The following PTPN5 variants were observed in gnomAD, a reference collection of about 807,000 sequenced individuals.
The protein encoded by PTPN5 is tyrosine-protein phosphatase non-receptor type 5.
In PTPN5, 29 loss-of-function variants were observed where a neutral mutation model predicts 73.9. That is an observed-to-expected ratio of 0.39 (90% CI 0.29 to 0.54). The LOEUF is 0.54. PTPN5 is among the 20% of genes least tolerant of loss of function. The pLI is 0.65. For missense variants in PTPN5, 652 were observed against 751.4 expected (o/e 0.87, Z 1.55); for synonymous variants, 267 against 304.7 (o/e 0.88, Z 1.29).
chr11:18,776,338 ACT>A (rs1851154296), intron 1 of PTPN5, among the ~76,000 whole-genome samples: 2 of 151,344 alleles, frequency 1.3e-5, no homozygotes, highest in South Asian at 4.2e-4. Flanking sequence ...GCCTTTTAAG[ACT>A]CTGTTCAAAT....
rs1475492674 is a variant in PTPN5, at chr11:18,729,133, T to G, written c.1605-106A>C. ...AATCACTTGCCAGGCCTTGCCCCTGTGCGTCTTGGAGAGACCAACCCTTGC... is the reference window on the plus strand; with the variant it reads ...AATCACTTGCCAGGCCTTGCCCCTGGGCGTCTTGGAGAGACCAACCCTTGC... On this transcript the variant is annotated intron_variant, in intron 14 of 14. Transcript: ENST00000358540. This position sits in a 1 kb window ranked among gnomAD's most constrained non-coding sequence, Gnocchi z 5.2. The G allele has an allele frequency of 8.1e-7, 1 of 1,230,028 alleles. No individual in the cohort carries two copies. The highest frequency in any genetic ancestry group is 1.2e-6 in the Non-Finnish European group (1 of 862,250). 76.2% of individuals were successfully genotyped at this position (1,230,028 alleles called of 1,614,324 possible). A position where few individuals can be genotyped will look rare whatever the true frequency, so the allele number is the denominator to read the frequency against.
intron 9 of PTPN5, among the ~76,000 whole-genome samples, chr11:18,735,083 T>C (rs1849056314): frequency 6.6e-6 from 1 of 152,100 alleles, no homozygotes; most frequent in Admixed American, 6.5e-5. Flanking sequence ...ACAACTAGAG[T>C]CCTTATGCCA....
intron 5 of PTPN5, 26 bp from the exon 6 acceptor site, chr11:18,743,101 A>G: frequency 6.7e-7 from 1 of 1,499,730 alleles, no homozygotes; most frequent in Non-Finnish European, 9.1e-7. Context: ...TAAACAGGTC[A>G]GGGTGGTGGT....
intron 2 of PTPN5, among the ~76,000 whole-genome samples, chr11:18,767,031 C>A (rs1850674734): frequency 6.6e-6 from 1 of 152,128 alleles, no homozygotes; most frequent in Non-Finnish European, 1.5e-5. Flanking sequence ...ATAAGATGGC[C>A]GTGGATCCTT....
chr11:18,782,035 C>T (rs1290461527), intron 1 of PTPN5, among the ~76,000 whole-genome samples: 2 of 152,194 alleles, frequency 1.3e-5, no homozygotes, highest in Admixed American at 6.5e-5. Context: ...ACAGAGTAGA[C>T]GTAAGAGGGA....
chr11:18,753,085 G>C (rs1437993070), intron 3 of PTPN5, among the ~76,000 whole-genome samples: 1 of 152,224 alleles, frequency 6.6e-6, no homozygotes, highest in African/African-American at 2.4e-5. Context: ...TGGAAGGCTG[G>C]GTTCTGGCTT....
At chr11:18,789,633 C>G (rs1851821471) in intron 1 of PTPN5, among the ~76,000 whole-genome samples, 1 of 152,194 alleles carries the variant, frequency 6.6e-6, no homozygotes, top group South Asian at 2.1e-4. Context: ...TGCTCACCCC[C>G]CTCAAAAAGG....
chr11:18,781,145 C>A (rs983783356), intron 1 of PTPN5, among the ~76,000 whole-genome samples: 3 of 152,070 alleles, frequency 2.0e-5, no homozygotes, highest in Non-Finnish European at 2.9e-5. Context: ...TTGCCGCACC[C>A]CCCCGGCCCC....
chr11:18,760,003 C>A (rs2134280058), intron 3 of PTPN5, among the ~76,000 whole-genome samples: 2 of 152,264 alleles, frequency 1.3e-5, no homozygotes. Context: ...AATCGAGACC[C>A]TATTCATGTT....
In PTPN5 at chr11:18,729,888, A is replaced by G; in HGVS notation, c.1330-70T>C. ...TCAGCTCACAAACCAGCCCAGAGATAGAGATGAGATGGAAGGAGGAAGAAC... is the reference window on the plus strand; with the variant it reads ...TCAGCTCACAAACCAGCCCAGAGATGGAGATGAGATGGAAGGAGGAAGAAC... On this transcript the variant is annotated intron_variant, in intron 12 of 14. Transcript: ENST00000358540. The surrounding 1 kb of genome is among the most constrained non-coding windows in gnomAD (Gnocchi z 5.2). The G allele has an allele frequency of 6.3e-7, 1 of 1,592,524 alleles. No individual in the cohort carries two copies. The highest frequency in any genetic ancestry group is 8.6e-7 in the Non-Finnish European group (1 of 1,160,696).
intron 2 of PTPN5, among the ~76,000 whole-genome samples, chr11:18,768,785 C>T (rs1850747706): frequency 6.6e-6 from 1 of 152,230 alleles, no homozygotes; most frequent in South Asian, 2.1e-4. Context: ...CTAGACTGTC[C>T]AGAGGAGGGT....
intron 3 of PTPN5, among the ~76,000 whole-genome samples, 180 bp downstream of exon 3, chr11:18,765,627 C>G (rs1850608632): frequency 6.6e-6 from 1 of 152,190 alleles, no homozygotes; most frequent in Non-Finnish European, 1.5e-5. Context: ...GATAACAGGT[C>G]AGAAGGCATC....
At chr11:18,754,853 C>A (rs1262223100) in intron 3 of PTPN5, among the ~76,000 whole-genome samples, 2 of 152,130 alleles carry the variant, frequency 1.3e-5, no homozygotes, top group Admixed American at 1.3e-4. Context: ...GAGACTATGC[C>A]TCTTTGGATT....
In PTPN5 at chr11:18,742,204, G is replaced by C. The variant is rs1181158810; in HGVS notation, c.725+58C>G. The C allele has an allele frequency of 1.7e-5, 27 of 1,603,242 alleles. 1 individual carries two copies. The South Asian group carries it at 1.8e-4, about 11-fold the overall frequency. ...GTCAGAGTCAGGCATCCACTCTTCTGATCAGGAGCTAAGAGCTCAAGGGCC... is the reference window on the plus strand; with the variant it reads ...GTCAGAGTCAGGCATCCACTCTTCTCATCAGGAGCTAAGAGCTCAAGGGCC... On this transcript the variant is annotated intron_variant, in intron 7 of 14. Transcript: ENST00000358540. This position sits in a 1 kb window ranked among gnomAD's most constrained non-coding sequence, Gnocchi z 4.1.
intron 1 of PTPN5, among the ~76,000 whole-genome samples, chr11:18,781,149 C>A (rs11024793): frequency 2.0e-5 from 3 of 152,088 alleles, no homozygotes; most frequent in Non-Finnish European, 2.9e-5. Context: ...CGCACCCCCC[C>A]GGCCCCGCCC....
chr11:18,737,197 A>T (rs1175551868), intron 9 of PTPN5, among the ~76,000 whole-genome samples: 2 of 152,124 alleles, frequency 1.3e-5, no homozygotes, highest in African/African-American at 2.4e-5. Context: ...GGCTTGATAA[A>T]AGTTATCTGA....
Position 18,733,432 on chromosome 11 carries a change from C to G in PTPN5, c.1081-60G>C. The stretch of plus-strand genomic sequence containing the variant: ...AGGCAGTGCTCCCAGGACCCCATCC[C>G]CACACTCAGGCTCTTCACAGGAGCT... On this transcript the variant is annotated intron_variant, in intron 10 of 14. Coordinates refer to ENST00000358540, the MANE Select transcript of PTPN5 (RefSeq NM_006906.2). The surrounding 1 kb of genome is among the most constrained non-coding windows in gnomAD (Gnocchi z 4.3). 6.2e-7 allele frequency: 1 copy of G among 1,609,460 alleles called. No homozygotes were observed. The highest frequency in any genetic ancestry group is 1.7e-5 in the Admixed American group (1 of 59,928).
At chr11:18,781,137 G>C (rs1260616325) in intron 1 of PTPN5, among the ~76,000 whole-genome samples, 1 of 151,942 alleles carries the variant, frequency 6.6e-6, no homozygotes, top group African/African-American at 2.4e-5. Context: ...TCTGATCTTT[G>C]CCGCACCCCC....
rs987328461 is a variant in PTPN5, at chr11:18,745,606, C to T, written c.98-1407G>A. ...CATCTTGTAGACCTCAATCAGATGT[C>T]CCCTGAAGTAGGTCCTGCTCTATCA... On this transcript the variant is annotated intron_variant, in intron 3 of 14. Transcript: ENST00000358540. Among the ~76,000 whole-genome samples, 47 of 152,170 alleles carry T rather than the reference C, an allele frequency of 3.1e-4. 1 individual carries two copies. The highest frequency in any genetic ancestry group is 2.8e-3 in the Admixed American group (43 of 15,280).
Sources: gnomAD v4.1 joint callset for allele counts (sites outside exome capture counted in the v4.1 genomes callset) on GRCh38, gnomAD v4.1.1 for gene constraint, Gnocchi (gnomAD v3.1) non-coding constraint, MANE v1.5 for transcripts, NCBI Gene and HGNC (gene_info 2026-07-23, HGNC 2026-07-21) for gene names.